POLR3A: variants seen among roughly 807,000 people sequenced by gnomAD.
POLR3A encodes RNA polymerase III subunit A.
A neutral mutation model predicts 152.8 loss-of-function variants in POLR3A; 112 were observed. That is an observed-to-expected ratio of 0.73 (90% CI 0.63 to 0.86). The LOEUF (loss-of-function observed/expected upper bound fraction) is 0.86, where lower values mean the gene tolerates loss of function less well. POLR3A is among the 40% of genes least tolerant of loss of function. The pLI is 0.00. For synonymous variants in POLR3A, 615 were observed against 652.1 expected, an observed-to-expected ratio of 0.94 and a Z score of 0.87; for missense variants, 1,385 against 1,743.1, an observed-to-expected ratio of 0.79 and a Z score of 3.66.
intron 11 of POLR3A, chr10:78,013,030 A>G (rs1847481726): frequency 6.3e-6 from 1 of 159,912 alleles, no homozygotes; most frequent in Non-Finnish European, 1.4e-5. Flanking sequence ...CTGTGCCAAC[A>G]GTTAAAGCTC....
In POLR3A at chr10:78,024,556, C is replaced by G. The variant is rs745799545; in HGVS notation, c.638G>C (p.Arg213Thr). Residue 213 changes from arginine to threonine, a missense_variant, in exon 5 of 31, where the codon AGG (arginine) becomes ACG (threonine). By Grantham distance (71) the Arg-to-Thr change is moderately conservative. Coordinates refer to ENST00000372371, the MANE Select transcript of POLR3A (RefSeq NM_007055.4). ...GTGCATTCTCAGGCTCACCTGTGCC[C>G]TTCCCAGCAGAGGCTCCACTTCTTT... is the stretch of plus-strand genomic sequence containing the variant. The part of the protein sequence containing the change: ...HNKEVEPLLG[R>T]AQENLNPLVV... 1 of 1,613,340 alleles carries G rather than the reference C, an allele frequency of 6.2e-7. No homozygotes were observed. The highest frequency in any genetic ancestry group is 2.2e-5 in the East Asian group (1 of 44,860).
At chr10:78,026,681 C>T (rs372194393) in intron 1 of POLR3A, among the ~76,000 whole-genome samples, 23 of 152,224 alleles carry the variant, frequency 1.5e-4, no homozygotes, top group East Asian at 7.7e-4. Context: ...ACTGTACCAC[C>T]TAGCATTACA....
intron 1 of POLR3A, 30 bp from the exon 2 acceptor site, chr10:78,026,259 C>G: frequency 6.2e-7 from 1 of 1,613,690 alleles, no homozygotes. Flanking sequence ...GTGAAAATTA[C>G]AGCAAAATCT....
At chr10:77,985,406 A>G (rs1847187191) in intron 23 of POLR3A, 66 bp from the exon 24 acceptor site, 2 of 1,268,882 alleles carry the variant, frequency 1.6e-6, no homozygotes, top group African/African-American at 2.9e-5. Flanking sequence ...ACTGCTGGGG[A>G]GAGGCTTCTG....
At chr10:77,995,656 T>C (rs1470125788) in intron 19 of POLR3A, among the ~76,000 whole-genome samples, 1 of 152,052 alleles carries the variant, frequency 6.6e-6, no homozygotes, top group Middle Eastern at 3.2e-3. Context: ...CCCAGATTCA[T>C]AAAGCAAGTC....
intron 11 of POLR3A, among the ~76,000 whole-genome samples, 165 bp from the exon 12 acceptor site, chr10:78,010,705 T>C (rs1847458988): frequency 6.6e-6 from 1 of 152,160 alleles, no homozygotes; most frequent in African/African-American, 2.4e-5. Flanking sequence ...TGTCACTAAC[T>C]CCCAGTTCCT....
rs181721553 is a variant in POLR3A at position 78,008,341 on chromosome 10, C to T, written c.1910-475G>A. On this transcript the variant is annotated intron_variant, in intron 14 of 30. Transcript: ENST00000372371. ...CAAAAAGAAACAAAACAGTCTAAAA[C>T]AAGAAGCTGAAGTATTTTGAAGATC... 1.2e-4 allele frequency among the ~76,000 whole-genome samples: 19 copies of T among 152,274 alleles called. No individual in the cohort carries two copies. The East Asian group carries it at 2.9e-3, about 23-fold the overall frequency.
chr10:77,984,213 A>G lies in POLR3A; in HGVS notation c.3328T>C (p.Leu1110=). 1 of 1,601,128 alleles carries G rather than the reference A, an allele frequency of 6.2e-7. No homozygotes were observed. Residue 1110 remains leucine (L), a synonymous_variant, in exon 25 of 31, where the codon TTG becomes CTG. Transcript: ENST00000372371. ...LVKGRIEKTL[L]GEISEYIEEV... ...TAGGGATTTCTTCTTACCTCTCCCA[A>G]GAGGGTTTTCTCAATTCTCCCTTTC...
At chr10:77,980,381 A>C in intron 29 of POLR3A, 108 bp from the exon 30 acceptor site, 1 of 1,076,252 alleles carries the variant, frequency 9.3e-7, no homozygotes, top group Non-Finnish European at 1.4e-6. Context: ...TCCAAGACCC[A>C]ACGTCAGGTG....
Position 78,004,826 on chromosome 10 carries a change from T to G in POLR3A, c.2137A>C (p.Lys713Gln). ...TAGCCGGCATTCAGCAACTCATACTTGGCCTTCAGCAGTCCTTGGCCAGGT... is the reference window on the plus strand; with the variant it reads ...TAGCCGGCATTCAGCAACTCATACTGGGCCTTCAGCAGTCCTTGGCCAGGT... Reference protein sequence around the residue: ...VTPGQGLLKAKYELLNAGYKK... With the variant: ...VTPGQGLLKAQYELLNAGYKK... Residue 713 changes from lysine to glutamine, a missense_variant, in exon 16 of 31, where the codon AAG becomes CAG. Physicochemically the swap from Lys to Gln is moderately conservative, Grantham distance 53 (BLOSUM62 1). This residue lies in a region of POLR3A where 170 missense variants were observed against 231.2 expected (regional missense o/e 0.74). Coordinates refer to ENST00000372371, the MANE Select transcript of POLR3A (RefSeq NM_007055.4). 1 of 1,614,110 alleles carries G rather than the reference T, an allele frequency of 6.2e-7. No individual in the cohort carries two copies. Among genetic ancestry groups the G allele is most frequent in the South Asian group, 1.1e-5 (1 of 91,084 alleles).
chr10:78,024,005 G>A (rs1033329212), intron 5 of POLR3A, among the ~76,000 whole-genome samples: 16 of 149,218 alleles, frequency 1.1e-4, no homozygotes, highest in African/African-American at 3.7e-4. Context: ...AAAACAACTG[G>A]TGTTACAAGG....
In POLR3A at chr10:77,977,493, G is replaced by T. The variant is rs771475012; in HGVS notation, c.4158C>A (p.Ile1386=). The T allele has an allele frequency of 2.5e-6, 4 of 1,613,960 alleles. No homozygotes were observed. In the African/African-American group the frequency reaches 5.3e-5, roughly 22 times the overall value. Residue 1386 remains isoleucine, a synonymous_variant, in exon 31 of 31, where the codon ATC becomes ATA. Transcript: ENST00000372371. ...PLIFDTNEFH[I]PLVT is the part of the protein sequence containing the mutation. ...TTTCTTTGGACTATGTGACAAGGGG[G>T]ATGTGGAATTCATTTGTGTCGAAGA...
intron 14 of POLR3A, among the ~76,000 whole-genome samples, chr10:78,009,067 C>A (rs777291334): frequency 6.8e-6 from 1 of 146,404 alleles, no homozygotes; most frequent in African/African-American, 2.5e-5. Flanking sequence ...GCAGGAGAAT[C>A]GCTTGAACCC....
intron 26 of POLR3A, 89 bp from the exon 27 acceptor site, chr10:77,982,906 A>T: frequency 7.9e-7 from 1 of 1,273,814 alleles, no homozygotes; most frequent in Non-Finnish European, 1.1e-6. Flanking sequence ...CCTTTTAGTC[A>T]GGTTTGTTCT....
At chr10:78,010,593 C>A (rs1847458190) in intron 11 of POLR3A, 53 bp from the exon 12 acceptor site, 6 of 1,257,268 alleles carry the variant, frequency 4.8e-6, no homozygotes, top group Non-Finnish European at 7.0e-6. Context: ...CATGATGCAG[C>A]CCAAAGCCTG....
At chr10:78,023,329 G>A (rs984193818) in intron 5 of POLR3A, among the ~76,000 whole-genome samples, 7 of 151,304 alleles carry the variant, frequency 4.6e-5, no homozygotes, top group African/African-American at 1.2e-4. Flanking sequence ...GCATGGTGGC[G>A]GGCACTTGTA....
chr10:77,980,219 G>C lies in POLR3A; in HGVS notation c.3946C>G (p.Leu1316Val). 1 of 1,613,490 alleles carries C rather than the reference G, an allele frequency of 6.2e-7. No homozygotes were observed. Among genetic ancestry groups the C allele is most frequent in the Non-Finnish European group, 8.5e-7 (1 of 1,179,458 alleles). Residue 1316 changes from leucine to valine, a missense_variant, in exon 30 of 31, where the codon CTG becomes GTG. By Grantham distance (32) the Leu-to-Val change is conservative. Coordinates refer to ENST00000372371, the MANE Select transcript of POLR3A (RefSeq NM_007055.4). ...FGLAKMKESV[L>V]MLASFEKTAD... ...GTCTTCTCAAAGGAGGCCAGCATCA[G>C]CACACTCTCCTTCATCTTGGCCAGG... is the stretch of plus-strand genomic sequence containing the variant.
rs776793649 is a variant in POLR3A, at chr10:78,001,106, G to C, written c.2360-12C>G. On this transcript the variant is annotated splice_polypyrimidine_tract_variant and intron_variant, in intron 17 of 30. Transcript: ENST00000372371. Reference sequence around the variant, plus strand: ...GTTAATGAAGGAACCTGGGGACATGGACCAGAAATGTAACATTCATTTACC... The same window carrying C: ...GTTAATGAAGGAACCTGGGGACATGCACCAGAAATGTAACATTCATTTACC... 1 of 1,365,124 alleles carries C rather than the reference G, an allele frequency of 7.3e-7. No homozygotes were observed. Among genetic ancestry groups the C allele is most frequent in the African/African-American group, 1.4e-5 (1 of 70,154 alleles). The allele number at this position is 1,365,124 out of a possible 1,614,324, so 84.6% of individuals were successfully genotyped here. A position where few individuals can be genotyped will look rare whatever the true frequency, so the allele number is the denominator to read the frequency against.
At position 77,999,969 on chromosome 10, in the gene POLR3A, T is replaced by C. The variant is rs757267694; in HGVS notation, c.2616+12A>G. 1.9e-6 allele frequency: 3 copies of C among 1,613,942 alleles called. No individual in the cohort carries two copies. The highest frequency in any genetic ancestry group is 1.1e-5 in the South Asian group (1 of 91,086). On this transcript the variant is annotated intron_variant, in intron 19 of 30. Coordinates refer to ENST00000372371, the MANE Select transcript of POLR3A (RefSeq NM_007055.4). ...TGCTCTGTTGCTAATGGCCTACATT[T>C]CTTCAGGTTACCTGCATGTATCCCG...
Sources: gnomAD v4.1 joint callset for allele counts (sites outside exome capture counted in the v4.1 genomes callset) on GRCh38, gnomAD v4.1.1 for gene constraint, gnomAD v4.1.1 regional missense constraint, MANE v1.5 for transcripts, NCBI Gene and HGNC (gene_info 2026-07-23, HGNC 2026-07-21) for gene names.